The following MAJIN variants were observed in gnomAD, a reference collection of about 807,000 sequenced individuals.
MAJIN encodes the protein membrane anchored junction protein.
MAJIN carries 27 observed loss-of-function variants against 30.2 expected under a neutral mutation model. The ratio of observed to expected loss-of-function variants is 0.89; its 90% confidence interval spans 0.66 to 1.23. The LOEUF (loss-of-function observed/expected upper bound fraction) is 1.23, where lower values mean the gene tolerates loss of function less well. Among genes scored for constraint, MAJIN ranks in the 50% most tolerant of loss-of-function variants. The pLI is 0.00. For missense variants in MAJIN, 253 were observed against 260.3 expected, an observed-to-expected ratio of 0.97 and a Z score of 0.19; for synonymous variants, 78 against 91.6, an observed-to-expected ratio of 0.85 and a Z score of 0.85.
At chr11:64,966,913 G>A (rs770020633) in intron 1 of MAJIN, among the ~76,000 whole-genome samples, 10 of 136,468 alleles carry the variant, frequency 7.3e-5, no homozygotes, top group Admixed American at 1.6e-4. Context: ...CAGCCTGAGC[G>A]ACAGAATGAC....
intron 1 of MAJIN, among the ~76,000 whole-genome samples, chr11:64,969,244 G>A (rs1053488035): frequency 6.6e-6 from 1 of 152,218 alleles, no homozygotes; most frequent in African/African-American, 2.4e-5. Context: ...ATATACCGAG[G>A]AGGCAGTCTC....
intron 3 of MAJIN, among the ~76,000 whole-genome samples, chr11:64,955,776 A>T: frequency 6.6e-6 from 1 of 152,240 alleles, no homozygotes; most frequent in East Asian, 1.9e-4. Flanking sequence ...ATTTTTCGAT[A>T]CTGTATAATG....
chr11:64,971,887 G>C lies in MAJIN; in HGVS notation c.-75C>G, dbSNP rs889308449. ...GTCGTGTGCCGTTACCTCAGCCCCAGGTGGTTCCCAGGCTCGGCCAGGCTA... is the reference window on the plus strand; with the variant it reads ...GTCGTGTGCCGTTACCTCAGCCCCACGTGGTTCCCAGGCTCGGCCAGGCTA... On this transcript the variant is annotated 5_prime_UTR_variant, in exon 1 of 11. Coordinates refer to ENST00000301896, the MANE Select transcript of MAJIN (RefSeq NM_001037225.3). 5.9e-5 allele frequency: 9 copies of C among 152,496 alleles called. No individual in the cohort carries two copies. The highest frequency in any genetic ancestry group is 2.2e-4 in the African/African-American group (9 of 41,590). The allele number at this position is 152,496 out of a possible 1,614,324, so 9.4% of individuals were successfully genotyped here.
At chr11:64,964,970 C>G (rs530626592) in intron 1 of MAJIN, among the ~76,000 whole-genome samples, 1 of 152,226 alleles carries the variant, frequency 6.6e-6, no homozygotes, top group East Asian at 1.9e-4. Flanking sequence ...TCATAAAGCT[C>G]TATTATTCTC....
At chr11:64,966,246 T>C (rs928021134) in intron 1 of MAJIN, among the ~76,000 whole-genome samples, 1 of 150,624 alleles carries the variant, frequency 6.6e-6, no homozygotes. Flanking sequence ...ATTTTAACAA[T>C]TGATACAGCC....
intron 1 of MAJIN, among the ~76,000 whole-genome samples, chr11:64,969,370 G>A (rs1220457672): frequency 4.0e-5 from 6 of 151,604 alleles, no homozygotes. Context: ...AAATTATAGA[G>A]AAGGGATGAG....
At chr11:64,946,286 T>G in intron 8 of MAJIN, 1 of 1,004,642 alleles carries the variant, frequency 1.0e-6, no homozygotes, top group South Asian at 1.9e-5. Flanking sequence ...CAGAATAAAT[T>G]GGGTGGCCAA....
At chr11:64,950,685 G>A (rs777923166) in intron 4 of MAJIN, among the ~76,000 whole-genome samples, 8 of 152,072 alleles carry the variant, frequency 5.3e-5, no homozygotes, top group Non-Finnish European at 1.2e-4. Context: ...GGGCTCAAGT[G>A]ATCTTCCCAC....
chr11:64,940,383 G>T (rs1945355649), intron 9 of MAJIN, among the ~76,000 whole-genome samples, 191 bp downstream of exon 9: 1 of 152,142 alleles, frequency 6.6e-6, no homozygotes, highest in African/African-American at 2.4e-5. Flanking sequence ...CCTTCTGGGA[G>T]CTGGGGGGCT....
chr11:64,954,883 C>T, intron 3 of MAJIN, 81 bp from the exon 4 acceptor site: 1 of 1,200,606 alleles, frequency 8.3e-7, no homozygotes, highest in Non-Finnish European at 1.2e-6. Context: ...GCAAAAATAA[C>T]ACTTCCACTG....
At chr11:64,939,618 C>G (rs377012547) in intron 10 of MAJIN, 44 bp downstream of exon 10, 2 of 1,558,932 alleles carry the variant, frequency 1.3e-6, no homozygotes, top group Non-Finnish European at 1.8e-6. Flanking sequence ...ATGAGCCGCT[C>G]TGAGCTGGAT....
intron 6 of MAJIN, among the ~76,000 whole-genome samples, chr11:64,949,020 C>T (rs113213662): frequency 0.018 from 2,776 of 151,018 alleles, 86 homozygotes; most frequent in African/African-American, 0.064. Flanking sequence ...ACACCCATGG[C>T]CTTCAGAGAA....
In MAJIN at chr11:64,966,145, G is replaced by GAA. The variant is rs58387921; in HGVS notation, c.-65+5730_-65+5731dup. Among the ~76,000 whole-genome samples the GAA allele has an allele frequency of 1.0e-3, 58 of 57,116 alleles. 3 individuals are homozygous for GAA. Among genetic ancestry groups the GAA allele is most frequent in the Middle Eastern group, 0.021 (1 of 48 alleles). 37.5% of individuals were successfully genotyped at this position (57,116 alleles called of 152,430 possible). A position where few individuals can be genotyped will look rare whatever the true frequency, so the allele number is the denominator to read the frequency against. ...ACATGTAAGGAAGAAGATTAAAAAT[G>GAA]AAAAAAAAAAAAAAAAAAAAGCAGC... On this transcript the variant is annotated intron_variant, in intron 1 of 10. Coordinates refer to ENST00000301896, the MANE Select transcript of MAJIN (RefSeq NM_001037225.3).
At chr11:64,968,079 T>C (rs1424249966) in intron 1 of MAJIN, among the ~76,000 whole-genome samples, 3 of 151,820 alleles carry the variant, frequency 2.0e-5, no homozygotes, top group Non-Finnish European at 4.4e-5. Context: ...ATGAGTTTAA[T>C]GGACAGAAAG....
intron 1 of MAJIN, among the ~76,000 whole-genome samples, chr11:64,965,862 A>C (rs933213135): frequency 1.3e-5 from 2 of 151,830 alleles, no homozygotes; most frequent in Non-Finnish European, 2.9e-5. Context: ...AGGCTGAGGC[A>C]GGAGAATGGC....
In MAJIN at chr11:64,956,577, A is replaced by G. The variant is rs146937179; in HGVS notation, c.102-1775T>C. Among the ~76,000 whole-genome samples the G allele has an allele frequency of 4.6e-3, 695 of 152,174 alleles. 4 individuals carry two copies. Among genetic ancestry groups the G allele is most frequent in the African/African-American group, 0.016 (665 of 41,544 alleles). On this transcript the variant is annotated intron_variant, in intron 3 of 10. Transcript: ENST00000301896. ...AGTGGATTTTAATGTAACAGAGTTC[A>G]AAAAGTTCATGACATAATTTCAGAT... is the stretch of plus-strand genomic sequence containing the variant.
intron 3 of MAJIN, among the ~76,000 whole-genome samples, chr11:64,956,638 T>TAA (rs1054803773): frequency 6.9e-6 from 1 of 145,230 alleles, no homozygotes; most frequent in Admixed American, 6.9e-5. Context: ...TAACTACCAT[T>TAA]AAAAAAAAAA....
chr11:64,947,549 T>A (rs1945470381), intron 7 of MAJIN, 84 bp from the exon 8 acceptor site: 2 of 1,391,460 alleles, frequency 1.4e-6, no homozygotes, highest in Non-Finnish European at 2.0e-6. Context: ...AAACTCCCCA[T>A]CCTTAAACTG....
chr11:64,951,525 G>T (rs370693630), intron 4 of MAJIN, among the ~76,000 whole-genome samples: 1 of 152,166 alleles, frequency 6.6e-6, no homozygotes, highest in Non-Finnish European at 1.5e-5. Flanking sequence ...AGCACTCTGC[G>T]AGGCCAAGGC....
Sources: allele counts gnomAD v4.1 joint callset (sites outside exome capture counted in the v4.1 genomes callset), GRCh38; gene constraint gnomAD v4.1.1; transcripts MANE v1.5; gene names NCBI Gene and HGNC (gene_info 2026-07-23, HGNC 2026-07-21).